ANKS1B: variants seen among roughly 807,000 people sequenced by gnomAD.
ANKS1B encodes ankyrin repeat and sterile alpha motif domain-containing protein 1B.
Under a neutral mutation model 148.3 loss-of-function variants are expected in ANKS1B, and 36 were observed. The observed-to-expected ratio is 0.24, with a 90% CI of 0.19 to 0.32. The LOEUF is 0.32. ANKS1B is among the 10% of genes least tolerant of loss of function. The pLI is 1.00. For synonymous variants in ANKS1B, 542 were observed against 560.8 expected (o/e 0.97, Z 0.47); for missense variants, 1,157 against 1,542.6 (o/e 0.75, Z 4.19).
rs538637711 is a variant in ANKS1B, at chr12:99,983,983, T to G, written c.134+121A>C. On this transcript the variant is annotated intron_variant, in intron 1 of 26. Coordinates refer to ENST00000683438, the MANE Select transcript of ANKS1B (RefSeq NM_001352186.2). ...TCTCCATACACGCAGTCTGTTTTCC[T>G]ACCTAATTTAAGAATGAATCGCTGG... 9.3e-6 allele frequency: 8 copies of G among 863,676 alleles called. No individual in the cohort carries two copies. In the South Asian group the frequency reaches 1.5e-4, roughly 17 times the overall value. The allele number at this position is 863,676 out of a possible 1,614,324, so 53.5% of individuals were successfully genotyped here. A position where few individuals can be genotyped will look rare whatever the true frequency, so the allele number is the denominator to read the frequency against.
intron 17 of ANKS1B, among the ~76,000 whole-genome samples, chr12:98,944,902 T>G (rs1384607356): frequency 6.6e-6 from 1 of 152,250 alleles, no homozygotes; most frequent in Non-Finnish European, 1.5e-5. Context: ...TGCTTACTGT[T>G]TGCCTTGCAG....
intron 14 of ANKS1B, among the ~76,000 whole-genome samples, chr12:99,224,285 T>C (rs56711097): frequency 0.079 from 12,038 of 152,166 alleles, 1,580 homozygotes; most frequent in African/African-American, 0.28. Context: ...AGCTTTACAG[T>C]TTATAAGTGC....
At chr12:99,447,924 T>C (rs1317690387) in intron 10 of ANKS1B, among the ~76,000 whole-genome samples, 3 of 151,824 alleles carry the variant, frequency 2.0e-5, no homozygotes, top group Non-Finnish European at 4.4e-5. Flanking sequence ...CCAGGGAAAA[T>C]GGCTTTTATA....
chr12:99,740,208 A>G (rs7970797), intron 8 of ANKS1B, among the ~76,000 whole-genome samples: 66,390 of 151,874 alleles, frequency 0.44, 14,925 homozygotes, highest in South Asian at 0.61. Flanking sequence ...CTACTTGGGA[A>G]GCTGAGGGGG....
At chr12:99,746,677 T>C (rs1353302072) in intron 8 of ANKS1B, among the ~76,000 whole-genome samples, 4 of 152,122 alleles carry the variant, frequency 2.6e-5, no homozygotes, top group Non-Finnish European at 4.4e-5. Flanking sequence ...AAATTCTCAC[T>C]AAGGGATGGA....
At chr12:99,572,412 G>C (rs902584351) in intron 9 of ANKS1B, among the ~76,000 whole-genome samples, 2 of 151,990 alleles carry the variant, frequency 1.3e-5, no homozygotes, top group African/African-American at 4.8e-5. Context: ...TTAATCTTAT[G>C]CCAGGCAGTC....
intron 12 of ANKS1B, among the ~76,000 whole-genome samples, chr12:99,397,473 G>T (rs1201010463): frequency 6.6e-6 from 1 of 152,018 alleles, no homozygotes; most frequent in African/African-American, 2.4e-5. Flanking sequence ...AAGTAAAGAA[G>T]TAACCAATAT....
intron 9 of ANKS1B, among the ~76,000 whole-genome samples, chr12:99,513,421 T>G (rs1043927079): frequency 6.6e-6 from 1 of 152,074 alleles, no homozygotes; most frequent in East Asian, 1.9e-4. Context: ...ACTGTCTTGA[T>G]TAGTGGAGCG....
At chr12:98,848,053 GCTTT>G (rs2099492332) in intron 17 of ANKS1B, among the ~76,000 whole-genome samples, 1 of 152,170 alleles carries the variant, frequency 6.6e-6, no homozygotes, top group Admixed American at 6.5e-5. Flanking sequence ...GTAGAGCAAT[GCTTT>G]CTAAGAAATA....
intron 14 of ANKS1B, among the ~76,000 whole-genome samples, chr12:99,199,577 CTACTA>C (rs2081807707): frequency 1.3e-5 from 2 of 152,030 alleles, no homozygotes; most frequent in African/African-American, 4.8e-5. Context: ...GTATTTTTTT[CTACTA>C]TTGAGGCACC....
chr12:99,458,208 T>TA, intron 10 of ANKS1B, among the ~76,000 whole-genome samples: 1 of 151,728 alleles, frequency 6.6e-6, no homozygotes, highest in Non-Finnish European at 1.5e-5. Context: ...ATATGAAAAT[T>TA]AAAAAATTTA....
chr12:99,634,540 C>T (rs566552935), intron 9 of ANKS1B, among the ~76,000 whole-genome samples: 71 of 152,174 alleles, frequency 4.7e-4, no homozygotes, highest in African/African-American at 1.6e-3. Flanking sequence ...GACTTGAAAA[C>T]AGAAATTTAT....
At chr12:99,724,465 G>C (rs2058419258) in intron 8 of ANKS1B, among the ~76,000 whole-genome samples, 3 of 152,080 alleles carry the variant, frequency 2.0e-5, no homozygotes, top group African/African-American at 7.2e-5. Flanking sequence ...GAAAAAGAAT[G>C]AAAAGGAATG....
chr12:99,267,771 G>C (rs2076598607), intron 12 of ANKS1B, among the ~76,000 whole-genome samples: 1 of 152,160 alleles, frequency 6.6e-6, no homozygotes, highest in Non-Finnish European at 1.5e-5. Flanking sequence ...TCCAGAAAAA[G>C]ATGGAGCCTT....
intron 4 of ANKS1B, among the ~76,000 whole-genome samples, chr12:99,804,567 C>T (rs1303040467): frequency 6.6e-6 from 1 of 152,072 alleles, no homozygotes; most frequent in Non-Finnish European, 1.5e-5. Flanking sequence ...ATAAAGAAAA[C>T]TCTGGAAATA....
At chr12:99,913,796 C>A (rs770989497) in intron 1 of ANKS1B, among the ~76,000 whole-genome samples, 1 of 151,470 alleles carries the variant, frequency 6.6e-6, no homozygotes, top group Admixed American at 6.6e-5. Context: ...GGAGAACTCA[C>A]TAATTAAAGG....
At chr12:98,900,817 C>A (rs905818764) in intron 17 of ANKS1B, among the ~76,000 whole-genome samples, 9 of 152,112 alleles carry the variant, frequency 5.9e-5, no homozygotes, top group Admixed American at 2.0e-4. Flanking sequence ...TGTCATATGT[C>A]GAGCTGGTTG....
chr12:99,912,790 G>A (rs982148612), intron 1 of ANKS1B, among the ~76,000 whole-genome samples: 1 of 151,968 alleles, frequency 6.6e-6, no homozygotes, highest in Non-Finnish European at 1.5e-5. Context: ...TAATGTCTCT[G>A]TACTCTATTC....
intron 12 of ANKS1B, among the ~76,000 whole-genome samples, chr12:99,261,807 C>T (rs1394801155): frequency 6.6e-6 from 1 of 152,126 alleles, no homozygotes; most frequent in Non-Finnish European, 1.5e-5. Flanking sequence ...AATCATGTCA[C>T]TCCTCTGCTC....
Sources: gnomAD v4.1 joint callset for allele counts (sites outside exome capture counted in the v4.1 genomes callset) on GRCh38, gnomAD v4.1.1 for gene constraint, MANE v1.5 for transcripts, NCBI Gene and HGNC (gene_info 2026-07-23, HGNC 2026-07-21) for gene names.